SLC26A7: variants seen among roughly 807,000 people sequenced by gnomAD.
SLC26A7 encodes anion exchange transporter.
SLC26A7 carries 59 observed loss-of-function variants against 82.5 expected under a neutral mutation model. The ratio of observed to expected loss-of-function variants is 0.72; its 90% CI spans 0.58 to 0.89. The LOEUF (loss-of-function observed/expected upper bound fraction) is 0.89, where lower values mean the gene tolerates loss of function less well. SLC26A7 is among the 40% of genes least tolerant of loss of function. The pLI is 0.00. For synonymous variants in SLC26A7, 271 were observed against 274.3 expected, an observed-to-expected ratio of 0.99 and a Z score of 0.12; for missense variants, 820 against 793.0, an observed-to-expected ratio of 1.03 and a Z score of -0.41.
intron 2 of SLC26A7, among the ~76,000 whole-genome samples, chr8:91,230,773 T>G (rs1332018630): frequency 6.6e-6 from 1 of 152,220 alleles, no homozygotes; most frequent in Non-Finnish European, 1.5e-5. Flanking sequence ...TTATGTATAC[T>G]GAATACTACG....
rs569598526 is a variant in SLC26A7, at chr8:91,324,305, A to G, written c.642+5925A>G. ...AGAACTTGTGCTAACATCAGGTTCT[A>G]AAGGATCAGAGTTGGCTTTAGGTGT... On this transcript the variant is annotated intron_variant, in intron 5 of 18. Coordinates refer to ENST00000276609, the MANE Select transcript of SLC26A7 (RefSeq NM_052832.4). 1.5e-3 allele frequency among the ~76,000 whole-genome samples: 229 copies of G among 152,348 alleles called. 2 individuals are homozygous for G. Among genetic ancestry groups the G allele is most frequent in the African/African-American group, 5.5e-3 (227 of 41,582 alleles).
intron 4 of SLC26A7, among the ~76,000 whole-genome samples, chr8:91,305,279 C>G (rs1263065457): frequency 6.6e-6 from 1 of 151,876 alleles, no homozygotes; most frequent in South Asian, 2.1e-4. Context: ...GTGTCTGTAT[C>G]TGTTTAAATT....
chr8:91,262,487 A>G (rs1233315759), intron 2 of SLC26A7, among the ~76,000 whole-genome samples: 1 of 152,026 alleles, frequency 6.6e-6, no homozygotes, highest in Non-Finnish European at 1.5e-5. Context: ...ACCTGAGCCC[A>G]TGGAAGACAG....
intron 2 of SLC26A7, among the ~76,000 whole-genome samples, chr8:91,258,379 CT>C (rs1168322816): frequency 6.6e-6 from 1 of 150,692 alleles, no homozygotes; most frequent in Non-Finnish European, 1.5e-5. Context: ...ATCCTCCATT[CT>C]TTTTTATAAT....
intron 2 of SLC26A7, among the ~76,000 whole-genome samples, chr8:91,280,495 A>G (rs549221078): frequency 6.6e-6 from 1 of 152,316 alleles, no homozygotes; most frequent in Non-Finnish European, 1.5e-5. Context: ...GCTTCCACCA[A>G]GATCCATTTG....
intron 11 of SLC26A7, among the ~76,000 whole-genome samples, chr8:91,355,687 C>T (rs1398578403): frequency 3.3e-5 from 5 of 151,142 alleles, no homozygotes; most frequent in African/African-American, 1.2e-4. Context: ...GATTATATTG[C>T]CTATTACATA....
At chr8:91,215,159 C>T (rs1810019782) in intron 1 of SLC26A7, among the ~76,000 whole-genome samples, 3 of 152,058 alleles carry the variant, frequency 2.0e-5, no homozygotes, top group African/African-American at 2.4e-5. Context: ...TGCAATGTCC[C>T]TTTTGCTATG....
At chr8:91,340,113 T>C (rs1203610265) in intron 7 of SLC26A7, among the ~76,000 whole-genome samples, 1 of 152,188 alleles carries the variant, frequency 6.6e-6, no homozygotes. Context: ...TTTGTTCTGA[T>C]ACAGGAAATT....
intron 5 of SLC26A7, among the ~76,000 whole-genome samples, chr8:91,324,250 A>C (rs1423402234): frequency 6.6e-6 from 1 of 152,254 alleles, no homozygotes; most frequent in Non-Finnish European, 1.5e-5. Flanking sequence ...GGCAAAGTTG[A>C]CAAGAGACAT....
chr8:91,210,975 T>C lies in SLC26A7; in HGVS notation c.-150+1433T>C, dbSNP rs1020513071. ...ACTATATACCACCAAAGTTGAACTA[T>C]TGAGAGCTAAAGATGAAATGTTAAG... On this transcript the variant is annotated intron_variant, in intron 1 of 5. Transcript: ENST00000522862. Among the ~76,000 whole-genome samples, 4 of 152,252 alleles carry C rather than the reference T, an allele frequency of 2.6e-5. No homozygotes were observed. The East Asian group carries it at 7.7e-4, about 29-fold the overall frequency.
chr8:91,218,965 C>T lies in SLC26A7; in HGVS notation c.-74C>T, dbSNP rs1428675676. On this transcript the variant is annotated 5_prime_UTR_variant, in exon 2 of 6. Transcript: ENST00000522862. ...TTGTTCTTACAAATGTTTTACTCAA[C>T]GTGACCCTAACCTCTTTGGAATTGC... 18 of 1,550,806 alleles carry T rather than the reference C, an allele frequency of 1.2e-5. No individual in the cohort carries two copies. The highest frequency in any genetic ancestry group is 7.3e-5 in the East Asian group (3 of 40,904).
chr8:91,259,107 T>C (rs1410455412), intron 2 of SLC26A7, among the ~76,000 whole-genome samples: 1 of 152,086 alleles, frequency 6.6e-6, no homozygotes, highest in Non-Finnish European at 1.5e-5. Context: ...CAGGCGTGCA[T>C]TGATTGGCCT....
At chr8:91,232,605 T>G (rs1563636652) in intron 2 of SLC26A7, among the ~76,000 whole-genome samples, 1 of 152,184 alleles carries the variant, frequency 6.6e-6, no homozygotes. Flanking sequence ...TTGGTTTGAT[T>G]TGGGGAAATC....
intron 7 of SLC26A7, among the ~76,000 whole-genome samples, chr8:91,339,987 C>T (rs1338220766): frequency 6.6e-6 from 1 of 152,102 alleles, no homozygotes; most frequent in East Asian, 1.9e-4. Flanking sequence ...TTGTAGCTCA[C>T]AGTAAACCAG....
intron 4 of SLC26A7, among the ~76,000 whole-genome samples, chr8:91,297,117 T>C (rs971174296): frequency 6.6e-6 from 1 of 152,206 alleles, no homozygotes; most frequent in Non-Finnish European, 1.5e-5. Flanking sequence ...TCATATTTCT[T>C]TTTGAATTCA....
intron 18 of SLC26A7, 113 bp from the exon 19 acceptor site, chr8:91,394,949 T>C (rs1808528975): frequency 7.8e-7 from 1 of 1,283,054 alleles, no homozygotes; most frequent in African/African-American, 1.5e-5. Flanking sequence ...AAAAGGTTCA[T>C]TTTCTTTGGC....
chr8:91,306,585 G>GA (rs1812315258), intron 4 of SLC26A7, among the ~76,000 whole-genome samples: 1 of 152,056 alleles, frequency 6.6e-6, no homozygotes, highest in East Asian at 1.9e-4. Context: ...ACCCAGAGTT[G>GA]ACATATAACC....
chr8:91,303,739 CTTGCAAGTTTTAAAT>C (rs905805475), intron 4 of SLC26A7, among the ~76,000 whole-genome samples: 1 of 152,086 alleles, frequency 6.6e-6, no homozygotes, highest in Non-Finnish European at 1.5e-5. Flanking sequence ...TAAACATTTT[CTTGCAAGTTTTAAAT>C]AAGAGGATCA....
chr8:91,300,559 G>A (rs949255328), intron 4 of SLC26A7, among the ~76,000 whole-genome samples: 4 of 151,920 alleles, frequency 2.6e-5, no homozygotes, highest in Non-Finnish European at 4.4e-5. Flanking sequence ...CACTACGCCC[G>A]GCTAATTTTT....
Sources: allele counts gnomAD v4.1 joint callset (sites outside exome capture counted in the v4.1 genomes callset), GRCh38; gene constraint gnomAD v4.1.1; transcripts MANE v1.5; gene names NCBI Gene and HGNC (gene_info 2026-07-23, HGNC 2026-07-21).